The following THRB variants were observed in gnomAD, a reference collection of about 807,000 sequenced individuals.
THRB encodes nuclear receptor subfamily 1 group A member 2.
THRB carries 12 observed loss-of-function variants against 47.8 expected under a neutral mutation model. The observed-to-expected ratio is 0.25, with a 90% CI of 0.16 to 0.41. The LOEUF (loss-of-function observed/expected upper bound fraction) is 0.41. Among genes scored for constraint, THRB ranks in the 10% least tolerant of loss-of-function variants. The pLI is 1.00. For synonymous variants in THRB, 218 were observed against 212.2 expected, an observed-to-expected ratio of 1.03 and a Z score of -0.24; for missense variants, 348 against 589.2, an observed-to-expected ratio of 0.59 and a Z score of 4.24.
intron 3 of THRB, among the ~76,000 whole-genome samples, chr3:24,291,975 C>A (rs1332858943): frequency 6.6e-6 from 1 of 151,904 alleles, no homozygotes; most frequent in African/African-American, 2.4e-5. Flanking sequence ...ACTTAAATGT[C>A]CATTAACAGA....
rs145393636 is a variant in THRB at position 24,213,806 on chromosome 3, C to T, written c.22+15132G>A. 2.3e-3 allele frequency among the ~76,000 whole-genome samples: 347 copies of T among 152,262 alleles called. 1 individual carries two copies. The highest frequency in any genetic ancestry group is 6.8e-3 in the African/African-American group (282 of 41,552). The stretch of plus-strand genomic sequence containing the variant: ...CTGTGGAATGGGTTGTTCAGGAAAA[C>T]TGGATGGCATTTGGTTAATGGGGAA... On this transcript the variant is annotated intron_variant, in intron 4 of 10. Coordinates refer to ENST00000646209, the MANE Select transcript of THRB (RefSeq NM_001354712.2).
At chr3:24,237,432 C>T (rs892951640) in intron 3 of THRB, among the ~76,000 whole-genome samples, 2 of 152,144 alleles carry the variant, frequency 1.3e-5, no homozygotes, top group Admixed American at 6.5e-5. Flanking sequence ...TTTACTTCCA[C>T]TCCACCCACT....
At chr3:24,191,660 A>G (rs1432260444) in intron 4 of THRB, among the ~76,000 whole-genome samples, 1 of 152,232 alleles carries the variant, frequency 6.6e-6, no homozygotes, top group East Asian at 1.9e-4. Context: ...GTCTTCAGCT[A>G]ATGTTGGTTA....
chr3:24,370,456 G>C (rs1186385134), intron 1 of THRB, among the ~76,000 whole-genome samples: 1 of 152,050 alleles, frequency 6.6e-6, no homozygotes, highest in African/African-American at 2.4e-5. Context: ...TGTGAGGTGT[G>C]CACATGAGTG....
chr3:24,446,359 C>T (rs1336459076), intron 1 of THRB, among the ~76,000 whole-genome samples: 3 of 152,156 alleles, frequency 2.0e-5, no homozygotes, highest in Admixed American at 6.5e-5. Context: ...CAGCTCTGGC[C>T]TCTTCCTGCT....
At chr3:24,270,907 T>C (rs185925406) in intron 3 of THRB, among the ~76,000 whole-genome samples, 2 of 152,322 alleles carry the variant, frequency 1.3e-5, no homozygotes, top group Admixed American at 1.3e-4. Context: ...ATTCTACCTA[T>C]TTAGTGACCC....
chr3:24,388,006 A>G (rs1299220267), intron 1 of THRB, among the ~76,000 whole-genome samples: 3 of 151,730 alleles, frequency 2.0e-5, no homozygotes, highest in Admixed American at 2.0e-4. Context: ...ATGCAGAAAA[A>G]CCTATCTACA....
chr3:24,291,483 T>C (rs62253754), intron 3 of THRB, among the ~76,000 whole-genome samples: 34,373 of 149,578 alleles, frequency 0.23, 3,924 homozygotes, highest in Non-Finnish European at 0.25. Context: ...AAGTCCCTTA[T>C]ACAAAAGGGT....
intron 1 of THRB, among the ~76,000 whole-genome samples, chr3:24,388,526 G>T (rs2066311972): frequency 6.6e-6 from 1 of 152,212 alleles, no homozygotes. Flanking sequence ...GAATTCATGG[G>T]GGTAAAACAC....
intron 2 of THRB, among the ~76,000 whole-genome samples, chr3:24,310,446 T>C (rs2057675418): frequency 6.6e-6 from 1 of 152,220 alleles, no homozygotes; most frequent in Admixed American, 6.5e-5. Context: ...GACCACTCAT[T>C]TGCTCTACAG....
chr3:24,436,765 C>A (rs907791327), intron 1 of THRB, among the ~76,000 whole-genome samples: 1 of 152,112 alleles, frequency 6.6e-6, no homozygotes, highest in Non-Finnish European at 1.5e-5. Flanking sequence ...CAAGCTTCTT[C>A]GAAATGCTCT....
At chr3:24,175,554 G>A (rs1398994708) in intron 5 of THRB, among the ~76,000 whole-genome samples, 1 of 152,160 alleles carries the variant, frequency 6.6e-6, no homozygotes, top group East Asian at 1.9e-4. Context: ...AAAGAAAAGT[G>A]AAAAATTTGA....
At chr3:24,474,284 A>G (rs181926937) in intron 1 of THRB, among the ~76,000 whole-genome samples, 1 of 152,358 alleles carries the variant, frequency 6.6e-6, no homozygotes, top group Non-Finnish European at 1.5e-5. Flanking sequence ...AAAAGCATGA[A>G]GCATAAAGCC....
chr3:24,325,314 T>C (rs1367662203), intron 2 of THRB, among the ~76,000 whole-genome samples: 1 of 152,164 alleles, frequency 6.6e-6, no homozygotes, highest in Non-Finnish European at 1.5e-5. Flanking sequence ...TCATATTAAA[T>C]GCTTCCTCTC....
intron 9 of THRB, among the ~76,000 whole-genome samples, chr3:24,128,818 T>C (rs1483544682): frequency 6.9e-6 from 1 of 145,818 alleles, no homozygotes; most frequent in African/African-American, 2.5e-5. Context: ...GATTTGAAAC[T>C]GGATCTGTCA....
intron 3 of THRB, among the ~76,000 whole-genome samples, chr3:24,230,479 G>A (rs1043768245): frequency 6.6e-6 from 1 of 152,178 alleles, no homozygotes; most frequent in Non-Finnish European, 1.5e-5. Context: ...CTAGGAAAAT[G>A]CATTCTTGCC....
At chr3:24,187,960 G>A (rs1040109729) in intron 5 of THRB, among the ~76,000 whole-genome samples, 1 of 152,164 alleles carries the variant, frequency 6.6e-6, no homozygotes, top group Non-Finnish European at 1.5e-5. Context: ...GGTGGACCCT[G>A]GTGGTTACTC....
intron 3 of THRB, among the ~76,000 whole-genome samples, chr3:24,261,220 C>T (rs965767783): frequency 8.9e-6 from 1 of 112,672 alleles, no homozygotes. Context: ...ATACATCTCT[C>T]GGCCAGGCGC....
chr3:24,242,965 G>C (rs1168420931), intron 3 of THRB, among the ~76,000 whole-genome samples: 1 of 150,804 alleles, frequency 6.6e-6, no homozygotes, highest in Non-Finnish European at 1.5e-5. Flanking sequence ...CATCTGTGGG[G>C]TTTTGTTTCC....
Sources: allele counts gnomAD v4.1 joint callset (sites outside exome capture counted in the v4.1 genomes callset), GRCh38; gene constraint gnomAD v4.1.1; transcripts MANE v1.5; gene names NCBI Gene and HGNC (gene_info 2026-07-23, HGNC 2026-07-21).